Variants in AXDND1 observed in about 807,000 individuals in gnomAD.
The protein encoded by AXDND1 is axonemal dynein light chain domain containing 1.
A neutral mutation model predicts 137.5 loss-of-function variants in AXDND1; 110 were observed. The ratio of observed to expected loss-of-function variants is 0.80; its 90% CI spans 0.69 to 0.94. The LOEUF (loss-of-function observed/expected upper bound fraction) is 0.94. Among genes scored for constraint, AXDND1 ranks in the 40% least tolerant of loss-of-function variants. The pLI, the probability that AXDND1 is intolerant of heterozygous loss-of-function variation, is 0.00. For synonymous variants in AXDND1, 414 were observed against 399.7 expected, an observed-to-expected ratio of 1.04 and a Z score of -0.43; for missense variants, 1,191 against 1,169.8, an observed-to-expected ratio of 1.02 and a Z score of -0.26.
intron 20 of AXDND1, among the ~76,000 whole-genome samples, chr1:179,500,276 G>C (rs1667858265): frequency 6.7e-6 from 1 of 148,846 alleles, no homozygotes; most frequent in African/African-American, 2.5e-5. Context: ...CAACCCAATT[G>C]ATAAAAAATT....
intron 22 of AXDND1, among the ~76,000 whole-genome samples, chr1:179,528,064 C>T (rs1388928432): frequency 6.6e-6 from 1 of 152,156 alleles, no homozygotes; most frequent in Non-Finnish European, 1.5e-5. Context: ...ATCTATCTCT[C>T]CTATAGTACT....
rs183590603 is a variant in AXDND1, at chr1:179,392,591, A to G, written c.864-1312A>G. Among the ~76,000 whole-genome samples the G allele has an allele frequency of 3.6e-3, 546 of 152,358 alleles. 2 individuals carry two copies. Among genetic ancestry groups the G allele is most frequent in the African/African-American group, 0.012 (511 of 41,592 alleles). The stretch of plus-strand genomic sequence containing the variant: ...GGTTGTACTAGTTTACATTCCCACC[A>G]GCAGTGTAAAAGTGTTCTCTTTTCA... On this transcript the variant is annotated intron_variant, in intron 9 of 25. Transcript: ENST00000367618.
intron 25 of AXDND1, among the ~76,000 whole-genome samples, chr1:179,547,162 T>C (rs1029321435): frequency 3.9e-5 from 6 of 152,214 alleles, no homozygotes; most frequent in Non-Finnish European, 7.3e-5. Flanking sequence ...GCAGAGGAGT[T>C]TCTCTAAAAT....
intron 25 of AXDND1, among the ~76,000 whole-genome samples, chr1:179,539,158 A>G (rs61827693): frequency 1.3e-5 from 2 of 152,052 alleles, no homozygotes; most frequent in Admixed American, 6.6e-5. Flanking sequence ...GCCAGTCTGT[A>G]TCTTTTAATT....
chr1:179,447,060 A>G (rs1659839752), intron 16 of AXDND1, among the ~76,000 whole-genome samples: 1 of 152,168 alleles, frequency 6.6e-6, no homozygotes, highest in Non-Finnish European at 1.5e-5. Context: ...TGTGTTGGGA[A>G]CATTTCAAGT....
At chr1:179,374,453 G>A (rs1409240873) in intron 4 of AXDND1, among the ~76,000 whole-genome samples, 2 of 152,126 alleles carry the variant, frequency 1.3e-5, no homozygotes, top group African/African-American at 4.8e-5. Flanking sequence ...AATACCACTT[G>A]ACCCAGCAAT....
intron 15 of AXDND1, among the ~76,000 whole-genome samples, chr1:179,438,428 G>A (rs913839255): frequency 3.9e-5 from 6 of 152,162 alleles, no homozygotes; most frequent in African/African-American, 1.2e-4. Flanking sequence ...AAGTGGCCAC[G>A]CTTGGTCGGC....
chr1:179,431,619 A>G (rs983027003), intron 14 of AXDND1, among the ~76,000 whole-genome samples: 1 of 151,624 alleles, frequency 6.6e-6, no homozygotes, highest in African/African-American at 2.4e-5. Context: ...TTCCATTTCA[A>G]ATTGAGAATA....
At chr1:179,453,696 A>G (rs1660869628) in intron 16 of AXDND1, 1 of 150,524 alleles carries the variant, frequency 6.6e-6, no homozygotes, top group Non-Finnish European at 1.5e-5. Flanking sequence ...GCTACTCAGG[A>G]GGCCGAGGCA....
chr1:179,493,621 T>G (rs1372972864), intron 20 of AXDND1, among the ~76,000 whole-genome samples: 1 of 152,134 alleles, frequency 6.6e-6, no homozygotes, highest in East Asian at 1.9e-4. Flanking sequence ...TGCAGTTAGG[T>G]AGAAGGAATA....
intron 15 of AXDND1, among the ~76,000 whole-genome samples, chr1:179,441,156 G>C (rs1284524893): frequency 6.6e-6 from 1 of 152,194 alleles, no homozygotes; most frequent in Non-Finnish European, 1.5e-5. Context: ...TACCCGGCAG[G>C]AGAGTGCCAT....
chr1:179,424,421 A>G (rs1280893942), intron 12 of AXDND1, among the ~76,000 whole-genome samples: 1 of 130,884 alleles, frequency 7.6e-6, no homozygotes, highest in Non-Finnish European at 1.6e-5. Context: ...AAAGTTTTCT[A>G]TTATCTTTTT....
chr1:179,454,639 A>G (rs1661035473), intron 16 of AXDND1: 1 of 152,258 alleles, frequency 6.6e-6, no homozygotes, highest in Non-Finnish European at 1.5e-5. Flanking sequence ...TAAATGGGTC[A>G]TCCAATTTAT....
intron 10 of AXDND1, 46 bp downstream of exon 10, chr1:179,394,089 T>C: frequency 1.9e-6 from 3 of 1,548,406 alleles, no homozygotes; most frequent in Non-Finnish European, 2.6e-6. Context: ...GTCAATGTCA[T>C]GTCTCTAAAG....
rs1181485522 is a variant in AXDND1 at position 179,370,050 on chromosome 1, C to T, written c.346C>T (p.His116Tyr). The T allele has an allele frequency of 2.5e-6, 4 of 1,613,174 alleles. No homozygotes were observed. Among genetic ancestry groups the T allele is most frequent in the Admixed American group, 1.7e-5 (1 of 59,962 alleles). ...GAATAAATTCAAATACCTGATTGAC[C>T]ATCCCGTCTCCCTCACAGGAGCTGG... Reference protein sequence around the residue: ...RRNKFKYLIDHPVSLTGAGRD... With the variant: ...RRNKFKYLIDYPVSLTGAGRD... Residue 116 changes from histidine (H) to tyrosine (Y), a missense_variant, in exon 4 of 26, where the codon CAT (histidine) becomes TAT (tyrosine). Transcript: ENST00000367618.
At chr1:179,552,270 A>C (rs1673397962) in intron 25 of AXDND1, 1 of 388,780 alleles carries the variant, frequency 2.6e-6, no homozygotes, top group African/African-American at 2.1e-5. Context: ...AGAAGTTAGA[A>C]GTTAGGGTGA....
intron 16 of AXDND1, among the ~76,000 whole-genome samples, chr1:179,458,860 T>G (rs897429832): frequency 4.3e-5 from 6 of 140,878 alleles, no homozygotes; most frequent in Non-Finnish European, 9.2e-5. Flanking sequence ...TATCAACATT[T>G]TTATTTTTTT....
intron 20 of AXDND1, among the ~76,000 whole-genome samples, chr1:179,501,735 C>T (rs969266827): frequency 1.3e-5 from 2 of 151,722 alleles, no homozygotes; most frequent in African/African-American, 4.8e-5. Flanking sequence ...AAAACAACAA[C>T]AAAAAAACTC....
chr1:179,450,593 TC>T (rs1558196181), intron 16 of AXDND1: 2 of 152,186 alleles, frequency 1.3e-5, no homozygotes, highest in African/African-American at 4.8e-5. Context: ...TAATTGTGTG[TC>T]TTTTGTCTTT....
Sources: allele counts gnomAD v4.1 joint callset (sites outside exome capture counted in the v4.1 genomes callset), GRCh38; gene constraint gnomAD v4.1.1; transcripts MANE v1.5; gene names NCBI Gene and HGNC (gene_info 2026-07-23, HGNC 2026-07-21).